The following ERC1 variants were observed in gnomAD, a reference collection of about 807,000 sequenced individuals.
ERC1 encodes RAB6 interacting protein 2.
In ERC1, 56 loss-of-function variants were observed where a neutral mutation model predicts 132.0. The observed-to-expected ratio is 0.42, with a 90% CI of 0.34 to 0.53. The LOEUF (loss-of-function observed/expected upper bound fraction) is 0.53. Among genes scored for constraint, ERC1 ranks in the 20% least tolerant of loss-of-function variants. The pLI, the probability that ERC1 is intolerant of heterozygous loss-of-function variation, is 0.03. For missense variants in ERC1, 1,202 were observed against 1,349.9 expected (o/e 0.89, Z 1.72); for synonymous variants, 478 against 476.1 (o/e 1.00, Z -0.05).
intron 1 of ERC1, among the ~76,000 whole-genome samples, chr12:1,011,131 G>C (rs566764786): frequency 6.6e-6 from 1 of 152,156 alleles, no homozygotes; most frequent in Non-Finnish European, 1.5e-5. Context: ...AGGTACAAAA[G>C]GATGAAGTGT....
At chr12:1,161,252 G>A (rs1251647667) in intron 8 of ERC1, among the ~76,000 whole-genome samples, 95 of 152,088 alleles carry the variant, frequency 6.2e-4, no homozygotes, top group Non-Finnish European at 2.2e-4. Context: ...TTTAGATTTA[G>A]CCCTGTATGA....
In ERC1 at chr12:1,122,009, C is replaced by A; in HGVS notation, c.1569+5976C>A. ...TCTCTATCTCTATCTCTATCTCTAT[C>A]TATCTCTATCTCTATCTCTATCTAT... On this transcript the variant is annotated intron_variant, in intron 7 of 18. Transcript: ENST00000360905. Among the ~76,000 whole-genome samples, 2 of 2,728 alleles carry A rather than the reference C, an allele frequency of 7.3e-4. 1 individual carries two copies. The highest frequency in any genetic ancestry group is 0.048 in the Non-Finnish European group (2 of 42). 1.8% of individuals were successfully genotyped at this position (2,728 alleles called of 152,430 possible). A position where few individuals can be genotyped will look rare whatever the true frequency, so the allele number is the denominator to read the frequency against.
intron 17 of ERC1, among the ~76,000 whole-genome samples, chr12:1,421,504 AGGTGG>A (rs1220487526): frequency 3.2e-4 from 48 of 152,144 alleles, no homozygotes; most frequent in Admixed American, 2.8e-3. Flanking sequence ...ATCAGTTTCT[AGGTGG>A]GGGTCACAAG....
intron 18 of ERC1, among the ~76,000 whole-genome samples, chr12:1,482,833 CTCAGAGT>C (rs2094119728): frequency 6.6e-6 from 1 of 152,238 alleles, no homozygotes; most frequent in South Asian, 2.1e-4. Context: ...TTAGTGTGTT[CTCAGAGT>C]TGTGCAGCCA....
intron 15 of ERC1, among the ~76,000 whole-genome samples, chr12:1,345,429 C>T (rs759331646): frequency 6.6e-5 from 10 of 152,022 alleles, no homozygotes; most frequent in South Asian, 2.1e-4. Flanking sequence ...GTGATCTGCC[C>T]GCCTCGGCCT....
In ERC1 at chr12:1,493,548, A is replaced by AAAATATATATATATATAT. The variant is rs56939346; in HGVS notation, c.*3319_*3320insAATATATATATATATATA. On this transcript the variant is annotated 3_prime_UTR_variant, in exon 19 of 19. Transcript: ENST00000360905. ...ACTCCATTTAAAAAAAAAAAAAAAA[A>AAAATATATATATATATAT]ATATATATATATATATATATATATA... is the stretch of plus-strand genomic sequence containing the variant. 8 of 13,616 alleles carry AAAATATATATATATATAT rather than the reference A, an allele frequency of 5.9e-4. No homozygotes were observed. Among genetic ancestry groups the AAAATATATATATATATAT allele is most frequent in the Admixed American group, 3.1e-3 (3 of 972 alleles). 0.8% of individuals were successfully genotyped at this position (13,616 alleles called of 1,614,324 possible).
chr12:1,008,008 T>TC (rs1964021887), intron 1 of ERC1, among the ~76,000 whole-genome samples: 1 of 152,166 alleles, frequency 6.6e-6, no homozygotes, highest in Non-Finnish European at 1.5e-5. Flanking sequence ...TACTTTCTTT[T>TC]CCCCGCCAGA....
At chr12:1,219,372 C>A (rs1025306844) in intron 12 of ERC1, among the ~76,000 whole-genome samples, 12 of 152,196 alleles carry the variant, frequency 7.9e-5, no homozygotes, top group Non-Finnish European at 1.3e-4. Flanking sequence ...CAGTTTCCCA[C>A]CCTCAATAAA....
chr12:1,341,909 A>C (rs1167347700), intron 15 of ERC1, among the ~76,000 whole-genome samples: 1 of 152,202 alleles, frequency 6.6e-6, no homozygotes, highest in Non-Finnish European at 1.5e-5. Context: ...TGGATATTCA[A>C]AACTTCGTTT....
chr12:1,104,646 A>G, intron 3 of ERC1, 104 bp from the exon 4 acceptor site: 1 of 786,186 alleles, frequency 1.3e-6, no homozygotes, highest in Non-Finnish European at 2.2e-6. Context: ...TCATTGTCTC[A>G]TAAGGCTGTA....
intron 15 of ERC1, among the ~76,000 whole-genome samples, chr12:1,305,312 A>G (rs2080796542): frequency 2.6e-5 from 4 of 152,166 alleles, no homozygotes; most frequent in African/African-American, 4.8e-5. Context: ...TTTCCTACCC[A>G]TAGCCTAAGA....
At chr12:1,067,023 G>T (rs981847893) in intron 2 of ERC1, among the ~76,000 whole-genome samples, 1 of 152,026 alleles carries the variant, frequency 6.6e-6, no homozygotes, top group African/African-American at 2.4e-5. Context: ...GCGCAGACTG[G>T]TCTCGAACTC....
intron 6 of ERC1, among the ~76,000 whole-genome samples, chr12:1,112,896 TAATAA>T (rs1294421789): frequency 2.6e-5 from 4 of 152,192 alleles, no homozygotes; most frequent in Non-Finnish European, 5.9e-5. Context: ...CAGAACATAA[TAATAA>T]AATAAATACA....
chr12:1,265,088 C>T (rs1287114140), intron 14 of ERC1, among the ~76,000 whole-genome samples: 1 of 152,174 alleles, frequency 6.6e-6, no homozygotes, highest in African/African-American at 2.4e-5. Flanking sequence ...AAATACATTC[C>T]TAATGCACAG....
chr12:1,315,145 A>G (rs1395254426), intron 15 of ERC1, among the ~76,000 whole-genome samples: 1 of 151,956 alleles, frequency 6.6e-6, no homozygotes, highest in Non-Finnish European at 1.5e-5. Context: ...TCAGCCTGCC[A>G]AGTAGCTGGG....
At chr12:995,080 A>G (rs1259295517) in intron 1 of ERC1, among the ~76,000 whole-genome samples, 1 of 150,540 alleles carries the variant, frequency 6.6e-6, no homozygotes, top group African/African-American at 2.5e-5. Context: ...TGGGTGACAG[A>G]GCAAGACTCT....
Position 1,092,001 on chromosome 12 carries a change from C to CT in ERC1, c.1086+8436dup, listed in dbSNP as rs34377863. 1.8e-3 allele frequency among the ~76,000 whole-genome samples: 250 copies of CT among 138,096 alleles called. 2 individuals are homozygous for CT. Among genetic ancestry groups the CT allele is most frequent in the African/African-American group, 4.9e-3 (188 of 38,408 alleles). The allele number at this position is 138,096 out of a possible 152,430, so 90.6% of individuals were successfully genotyped here. ...AAAAAAAAGTGGCATTTAATCAATT[C>CT]TTTTTTTTTTTTTTTGAGACGGAGT... On this transcript the variant is annotated intron_variant, in intron 3 of 18. Coordinates refer to ENST00000360905, the MANE Select transcript of ERC1 (RefSeq NM_178040.4).
chr12:1,155,802 G>T (rs1951331924), intron 8 of ERC1, among the ~76,000 whole-genome samples: 1 of 151,776 alleles, frequency 6.6e-6, no homozygotes, highest in Non-Finnish European at 1.5e-5. Flanking sequence ...CCTGAGAAAT[G>T]ACAATGTAGG....
intron 3 of ERC1, among the ~76,000 whole-genome samples, chr12:1,093,657 CTG>C (rs1943540094): frequency 6.6e-6 from 1 of 151,738 alleles, no homozygotes; most frequent in Non-Finnish European, 1.5e-5. Flanking sequence ...AGTTTTTTGT[CTG>C]TATTTTAATC....
Sources: allele counts gnomAD v4.1 joint callset (sites outside exome capture counted in the v4.1 genomes callset), GRCh38; gene constraint gnomAD v4.1.1; transcripts MANE v1.5; gene names NCBI Gene and HGNC (gene_info 2026-07-23, HGNC 2026-07-21).